ADGRG5: variants seen among roughly 807,000 people sequenced by gnomAD.
The protein encoded by ADGRG5 is G protein-coupled receptor 114.
Under a neutral mutation model 53.2 loss-of-function variants are expected in ADGRG5, and 37 were observed. The observed-to-expected ratio is 0.70, with a 90% CI of 0.53 to 0.91. The LOEUF (loss-of-function observed/expected upper bound fraction) is 0.91. ADGRG5 is among the 40% of genes least tolerant of loss of function. The pLI is 0.00. For synonymous variants in ADGRG5, 277 were observed against 290.4 expected, an observed-to-expected ratio of 0.95 and a Z score of 0.47; for missense variants, 614 against 675.8, an observed-to-expected ratio of 0.91 and a Z score of 1.01.
the ADGRG5 span, among the ~76,000 whole-genome samples, chr16:57,536,169 G>A: frequency 1.3e-5 from 2 of 152,198 alleles, no homozygotes; most frequent in Non-Finnish European, 2.9e-5. Flanking sequence ...CGACCACGTT[G>A]GGTCCCCCGG....
In ADGRG5 at chr16:57,574,262, C is replaced by A. The variant is rs1239970612; in HGVS notation, c.1209-553C>A. ...GCGGCTCTGTGTGCTCTCAGGTTGA[C>A]ACTTGGAGGGTCCCTGTCCACCAAG... On this transcript the variant is annotated intron_variant, in intron 10 of 11. Coordinates refer to ENST00000349457, the MANE Select transcript of ADGRG5 (RefSeq NM_001304376.3). This position sits in a 1 kb window ranked among gnomAD's most constrained non-coding sequence, Gnocchi z 4.4. Among the ~76,000 whole-genome samples, 1 of 152,196 alleles carries A rather than the reference C, an allele frequency of 6.6e-6. No individual in the cohort carries two copies.
intron 1 of ADGRG5, among the ~76,000 whole-genome samples, chr16:57,545,385 C>T (rs1407646225): frequency 6.6e-6 from 1 of 152,134 alleles, no homozygotes; most frequent in Non-Finnish European, 1.5e-5. Context: ...AGGCAAATTC[C>T]TTCATGACAC....
chr16:57,534,735 G>A, the ADGRG5 span, among the ~76,000 whole-genome samples: 16 of 152,306 alleles, frequency 1.1e-4, no homozygotes, highest in Admixed American at 2.0e-4. Context: ...GGAAGGTTGA[G>A]TCATCCTAAA....
rs761624794 is a variant in ADGRG5 at position 57,563,237 on chromosome 16, G to A, written c.287G>A (p.Arg96Gln). 28 of 1,613,688 alleles carry A rather than the reference G, an allele frequency of 1.7e-5. No homozygotes were observed. Among genetic ancestry groups the A allele is most frequent in the East Asian group, 4.5e-5 (2 of 44,900 alleles). The change falls in exon 4 of 12, where the codon CGG (arginine) becomes CAG (glutamine). Residue 96 changes from arginine (R) to glutamine (Q), a missense_variant. Physicochemically the swap from Arg to Gln is conservative, Grantham distance 43. Coordinates refer to ENST00000349457, the MANE Select transcript of ADGRG5 (RefSeq NM_001304376.3). Reference protein sequence around the residue: ...GLSLTSATLKRVPQAGGQHAR... With the variant: ...GLSLTSATLKQVPQAGGQHAR... ...TCGCTGACCAGTGCCACTCTGAAGC[G>A]GGTGCCCCAGGTCAGAGGCTGCGGG...
intron 6 of ADGRG5, 140 bp from the exon 7 acceptor site, chr16:57,566,459 G>C: frequency 1.4e-6 from 1 of 699,018 alleles, no homozygotes; most frequent in Non-Finnish European, 2.2e-6. Flanking sequence ...ATCTGAGACT[G>C]TCTGAAGCCA....
At chr16:57,554,579 T>G (rs560807295) in intron 1 of ADGRG5, among the ~76,000 whole-genome samples, 1 of 152,046 alleles carries the variant, frequency 6.6e-6, no homozygotes, top group South Asian at 2.1e-4. Flanking sequence ...GGTTTCACCG[T>G]GTTAGCCAGG....
chr16:57,566,581 C>T lies in ADGRG5; in HGVS notation c.547-18C>T, dbSNP rs371408549. The T allele has an allele frequency of 8.8e-6, 13 of 1,476,810 alleles. No individual in the cohort carries two copies. Among genetic ancestry groups the T allele is most frequent in the Non-Finnish European group, 1.8e-6 (2 of 1,111,678 alleles). 91.5% of individuals were successfully genotyped at this position (1,476,810 alleles called of 1,614,324 possible). ...CCTTTCCTCTGCACCCTATGACTGA[C>T]CCAGCATCTCCACCCAGGAAGGCTA... On this transcript the variant is annotated intron_variant, in intron 6 of 11. Transcript: ENST00000349457.
At chr16:57,565,942 C>T (rs1323475160) in intron 6 of ADGRG5, 1 of 152,344 alleles carries the variant, frequency 6.6e-6, no homozygotes, top group African/African-American at 2.4e-5. Flanking sequence ...CTGCCCTGCA[C>T]TCTAAATTTC....
Position 57,567,607 on chromosome 16 carries a change from A to G in ADGRG5, c.821+16A>G, listed in dbSNP as rs371519506. ...TCCATTTCAGGTATTCCGCTGCCAC[A>G]GTGCTGGGCCTGCCCTGCACTGTGG... On this transcript the variant is annotated intron_variant, in intron 8 of 11. Coordinates refer to ENST00000349457, the MANE Select transcript of ADGRG5 (RefSeq NM_001304376.3). 1.6e-4 allele frequency: 259 copies of G among 1,607,814 alleles called. No individual in the cohort carries two copies. Among genetic ancestry groups the G allele is most frequent in the Non-Finnish European group, 2.1e-4 (248 of 1,179,676 alleles).
chr16:57,549,993 T>A (rs1448870659), intron 1 of ADGRG5, among the ~76,000 whole-genome samples: 1 of 148,460 alleles, frequency 6.7e-6, no homozygotes, highest in Admixed American at 6.8e-5. Flanking sequence ...TTTTTTTTTT[T>A]AACATGTAGT....
chr16:57,545,066 C>T (rs1324590178), intron 1 of ADGRG5, among the ~76,000 whole-genome samples: 1 of 152,148 alleles, frequency 6.6e-6, no homozygotes, highest in African/African-American at 2.4e-5. Context: ...CATGAGCCAC[C>T]ACACCCGGCT....
intron 1 of ADGRG5, among the ~76,000 whole-genome samples, chr16:57,559,999 AT>A (rs1277436692): frequency 6.6e-6 from 1 of 152,104 alleles, no homozygotes; most frequent in Non-Finnish European, 1.5e-5. Flanking sequence ...TTATTTTTGC[AT>A]TTATAAACTT....
At chr16:57,551,855 T>C (rs2032762058) in intron 1 of ADGRG5, among the ~76,000 whole-genome samples, 1 of 152,208 alleles carries the variant, frequency 6.6e-6, no homozygotes, top group African/African-American at 2.4e-5. Context: ...CCTTATGAAA[T>C]TTGTTTCCTA....
upstream of ADGRG5, among the ~76,000 whole-genome samples, chr16:57,539,149 A>G (rs2032452184): frequency 6.6e-6 from 1 of 152,216 alleles, no homozygotes; most frequent in Non-Finnish European, 1.5e-5. Context: ...CAACCTTTAA[A>G]AGGAATGAGA....
At chr16:57,540,947 C>A (rs1041230257), upstream of ADGRG5, among the ~76,000 whole-genome samples, 1 of 152,150 alleles carries the variant, frequency 6.6e-6, no homozygotes, top group East Asian at 1.9e-4. Flanking sequence ...TGTGCCACCA[C>A]ACCCGGCTAA....
At chr16:57,551,526 G>A (rs1000596782) in intron 1 of ADGRG5, among the ~76,000 whole-genome samples, 3 of 152,114 alleles carry the variant, frequency 2.0e-5, no homozygotes, top group Non-Finnish European at 4.4e-5. Flanking sequence ...TATGAGAAGC[G>A]ACTCCCCATC....
At chr16:57,531,823 C>G in the ADGRG5 span, among the ~76,000 whole-genome samples, 9 of 152,334 alleles carry the variant, frequency 5.9e-5, no homozygotes, top group African/African-American at 2.2e-4. Flanking sequence ...TCCTGGCAAA[C>G]GCCAACCCTG....
At chr16:57,572,914 G>A (rs1398527957) in intron 10 of ADGRG5, among the ~76,000 whole-genome samples, 7 of 152,200 alleles carry the variant, frequency 4.6e-5, no homozygotes, top group South Asian at 2.1e-4. Flanking sequence ...CCTCAGCAGG[G>A]GATTGTGACA....
chr16:57,529,530 C>A, the ADGRG5 span, among the ~76,000 whole-genome samples: 2 of 152,210 alleles, frequency 1.3e-5, no homozygotes, highest in Non-Finnish European at 1.5e-5. This position sits in a 1 kb window ranked among gnomAD's most constrained non-coding sequence, Gnocchi z 4.1. Context: ...AATCCCTTCA[C>A]CCAGCGGCGC....
Sources: allele counts gnomAD v4.1 joint callset (sites outside exome capture counted in the v4.1 genomes callset), GRCh38; gene constraint gnomAD v4.1.1; non-coding constraint Gnocchi (gnomAD v3.1); transcripts MANE v1.5; gene names NCBI Gene and HGNC (gene_info 2026-07-23, HGNC 2026-07-21).